The following CCDC178 variants were observed in gnomAD, a reference collection of about 807,000 sequenced individuals.
The protein encoded by CCDC178 is coiled-coil domain-containing protein 178.
In CCDC178, 126 loss-of-function variants were observed where a neutral mutation model predicts 117.4. That is an observed-to-expected ratio of 1.07 (90% CI 0.93 to 1.24). The LOEUF (loss-of-function observed/expected upper bound fraction) is 1.24, where lower values mean the gene tolerates loss of function less well. Among genes scored for constraint, CCDC178 ranks in the 50% most tolerant of loss-of-function variants. CCDC178 has a pLI of 0.00. For missense variants in CCDC178, 1,030 were observed against 986.9 expected, an observed-to-expected ratio of 1.04 and a Z score of -0.59; for synonymous variants, 283 against 313.4, an observed-to-expected ratio of 0.90 and a Z score of 1.02.
chr18:33,294,202 C>G (rs2062074662), intron 11 of CCDC178, among the ~76,000 whole-genome samples: 1 of 152,022 alleles, frequency 6.6e-6, no homozygotes, highest in Non-Finnish European at 1.5e-5. Context: ...AAACCACTTT[C>G]CAAATAAAAT....
At chr18:33,300,927 G>T (rs1457804302) in intron 11 of CCDC178, among the ~76,000 whole-genome samples, 1 of 152,200 alleles carries the variant, frequency 6.6e-6, no homozygotes, top group Non-Finnish European at 1.5e-5. Context: ...TTGCTAGAAA[G>T]ATTAGTATGA....
At chr18:33,351,531 A>G (rs1012486170) in intron 7 of CCDC178, among the ~76,000 whole-genome samples, 1 of 151,000 alleles carries the variant, frequency 6.6e-6, no homozygotes, top group Non-Finnish European at 1.5e-5. Context: ...TCAGGTTGAT[A>G]GTATTTTGTT....
chr18:33,001,236 G>A (rs1359116795), intron 21 of CCDC178, among the ~76,000 whole-genome samples: 1 of 152,074 alleles, frequency 6.6e-6, no homozygotes, highest in African/African-American at 2.4e-5. Context: ...ATAAAAAGCA[G>A]AGGCCAGGCG....
At chr18:33,239,121 T>C (rs902643865) in intron 15 of CCDC178, among the ~76,000 whole-genome samples, 1 of 152,022 alleles carries the variant, frequency 6.6e-6, no homozygotes, top group African/African-American at 2.4e-5. Context: ...AAAGGCCCAA[T>C]AGGTTTCACA....
At chr18:33,112,649 T>C (rs894170129) in intron 20 of CCDC178, among the ~76,000 whole-genome samples, 4 of 151,936 alleles carry the variant, frequency 2.6e-5, no homozygotes, top group African/African-American at 9.7e-5. Context: ...AGTTATCTAC[T>C]GCAAGTTTCA....
chr18:33,094,216 C>T (rs2057509298), intron 20 of CCDC178, among the ~76,000 whole-genome samples: 1 of 151,952 alleles, frequency 6.6e-6, no homozygotes, highest in South Asian at 2.1e-4. Flanking sequence ...ATTTTAAATG[C>T]CCTTGTCTTA....
chr18:33,268,745 A>G (rs115308743), intron 12 of CCDC178, among the ~76,000 whole-genome samples: 4 of 151,894 alleles, frequency 2.6e-5, no homozygotes, highest in Non-Finnish European at 4.4e-5. Context: ...AGAGACATCA[A>G]TGAAAATAGT....
At chr18:33,107,455 A>C (rs1860338372) in intron 20 of CCDC178, among the ~76,000 whole-genome samples, 1 of 151,658 alleles carries the variant, frequency 6.6e-6, no homozygotes, top group South Asian at 2.1e-4. Flanking sequence ...AAAATGTTGA[A>C]ATCTCAAAAG....
chr18:33,171,263 A>T (rs1273211133), intron 20 of CCDC178, among the ~76,000 whole-genome samples: 1 of 152,240 alleles, frequency 6.6e-6, no homozygotes, highest in African/African-American at 2.4e-5. Flanking sequence ...AACCTGGTCA[A>T]TTCAGTGCCC....
At chr18:33,297,486 G>A (rs556427461) in intron 11 of CCDC178, among the ~76,000 whole-genome samples, 9 of 152,048 alleles carry the variant, frequency 5.9e-5, no homozygotes, top group Admixed American at 6.6e-5. Flanking sequence ...AATGAAAAAC[G>A]AGTTATCACA....
intron 21 of CCDC178, among the ~76,000 whole-genome samples, chr18:33,075,043 CA>C (rs1357736111): frequency 6.6e-6 from 1 of 152,086 alleles, no homozygotes; most frequent in Non-Finnish European, 1.5e-5. Flanking sequence ...ATCCAGAGCA[CA>C]AATGAAAAGA....
chr18:33,066,818 A>G (rs1020777211), intron 21 of CCDC178, among the ~76,000 whole-genome samples: 2 of 152,206 alleles, frequency 1.3e-5, no homozygotes, highest in Non-Finnish European at 2.9e-5. Flanking sequence ...TTCTATGTAT[A>G]TATGCACCCA....
At chr18:33,032,783 CA>C in intron 21 of CCDC178, among the ~76,000 whole-genome samples, 1 of 152,000 alleles carries the variant, frequency 6.6e-6, no homozygotes, top group Non-Finnish European at 1.5e-5. Flanking sequence ...AGAGGAGAGA[CA>C]AATGCAAAGG....
chr18:33,031,327 G>A lies in CCDC178; in HGVS notation c.2389-56646C>T, dbSNP rs140238809. 5.3e-5 allele frequency among the ~76,000 whole-genome samples: 8 copies of A among 151,056 alleles called. No homozygotes were observed. The East Asian group carries it at 1.6e-3, about 30-fold the overall frequency. On this transcript the variant is annotated intron_variant, in intron 21 of 22. Transcript: ENST00000383096. ...ACAGGCACAATTATAGCACTTCATA[G>A]CCTTAAACTCCTGGCCTCAAATAAT...
At chr18:33,232,947 A>G (rs1430095180) in intron 15 of CCDC178, among the ~76,000 whole-genome samples, 1 of 152,138 alleles carries the variant, frequency 6.6e-6, no homozygotes, top group Non-Finnish European at 1.5e-5. Context: ...ACACTATTCT[A>G]TTATTGAGAA....
In CCDC178 at chr18:33,230,632, C is replaced by A. The variant is rs185131241; in HGVS notation, c.1594-3777G>T. On this transcript the variant is annotated intron_variant, in intron 15 of 22. Transcript: ENST00000383096. ...AAAGATGTTATTTTTTAAAAAAAAT[C>A]TTTATATGAGGAGAAGCTCAGGGCC... Among the ~76,000 whole-genome samples, 345 of 152,082 alleles carry A rather than the reference C, an allele frequency of 2.3e-3. 1 individual carries two copies. The highest frequency in any genetic ancestry group is 4.4e-3 in the Non-Finnish European group (299 of 67,980).
intron 12 of CCDC178, among the ~76,000 whole-genome samples, chr18:33,272,515 A>G (rs540679963): frequency 5.3e-5 from 8 of 151,768 alleles, no homozygotes; most frequent in African/African-American, 1.4e-4. Context: ...CTTCCAAAAA[A>G]TAGAAAAGAA....
At chr18:32,985,517 A>C (rs1306668737) in intron 21 of CCDC178, among the ~76,000 whole-genome samples, 1 of 152,038 alleles carries the variant, frequency 6.6e-6, no homozygotes, top group African/African-American at 2.4e-5. Context: ...AAATTGTCAC[A>C]GATGCCCAAA....
intron 21 of CCDC178, among the ~76,000 whole-genome samples, chr18:33,067,394 C>T (rs561383414): frequency 6.0e-4 from 91 of 151,796 alleles, no homozygotes; most frequent in South Asian, 1.5e-3. Context: ...ATGTCTATAT[C>T]GAAAAAGTAG....
Sources: gnomAD v4.1 joint callset for allele counts (sites outside exome capture counted in the v4.1 genomes callset) on GRCh38, gnomAD v4.1.1 for gene constraint, MANE v1.5 for transcripts, NCBI Gene and HGNC (gene_info 2026-07-23, HGNC 2026-07-21) for gene names.